The following FAM184B variants were observed in gnomAD, a reference collection of about 807,000 sequenced individuals.
The protein encoded by FAM184B is protein FAM184B.
FAM184B carries 111 observed loss-of-function variants against 135.9 expected under a neutral mutation model. The observed-to-expected ratio is 0.82, with a 90% CI of 0.70 to 0.96. FAM184B has a LOEUF of 0.96. Ranked by LOEUF, FAM184B falls within the 40% of genes least tolerant of loss-of-function variation. The pLI is 0.00. For missense variants in FAM184B, 1,375 were observed against 1,323.9 expected (o/e 1.04, Z -0.60); for synonymous variants, 552 against 524.8 (o/e 1.05, Z -0.71).
rs1198658750 is a variant in FAM184B, at chr4:17,663,739, C to T, written c.1694+823G>A. On this transcript the variant is annotated intron_variant, in intron 8 of 17. Transcript: ENST00000265018. The stretch of plus-strand genomic sequence containing the variant: ...GATATGGTTAGGTTTTTTGCCCCCA[C>T]CCAAATCTCATCTTGAGTTGTAATC... 2.6e-5 allele frequency among the ~76,000 whole-genome samples: 4 copies of T among 151,326 alleles called. No homozygotes were observed. In the East Asian group the frequency reaches 7.8e-4, roughly 29 times the overall value.
rs898853787 is a variant in FAM184B, at chr4:17,630,389, C to G, written c.*2143G>C. On this transcript the variant is annotated 3_prime_UTR_variant, in exon 18 of 18. Transcript: ENST00000265018. ...TTCACCCTCATGAGTAGGATAAGTA[C>G]CCTTACAAAAGAGGCTCAGGGAGGC... The G allele has an allele frequency of 2.6e-5, 4 of 152,072 alleles. No individual in the cohort carries two copies. The highest frequency in any genetic ancestry group is 9.7e-5 in the African/African-American group (4 of 41,402). The allele number at this position is 152,072 out of a possible 1,614,324, so 9.4% of individuals were successfully genotyped here.
chr4:17,685,798 C>T (rs947932301), intron 7 of FAM184B, among the ~76,000 whole-genome samples: 2 of 152,092 alleles, frequency 1.3e-5, no homozygotes, highest in African/African-American at 4.8e-5. Context: ...TAGCTCCACA[C>T]ACCCCGCCAA....
At chr4:17,740,158 C>T (rs1290768647) in intron 1 of FAM184B, among the ~76,000 whole-genome samples, 2 of 151,770 alleles carry the variant, frequency 1.3e-5, no homozygotes, top group African/African-American at 4.8e-5. Context: ...TGGAGACCAG[C>T]CTGGCCAATA....
Position 17,688,430 on chromosome 4 carries a change from C to T in FAM184B, c.1590G>A (p.Glu530=). ...TGACAAAGCTGGAGGTTACCTGGGTCTCCAGAATGCTGCAGTGCTGGCGGC... is the reference window on the plus strand; with the variant it reads ...TGACAAAGCTGGAGGTTACCTGGGTTTCCAGAATGCTGCAGTGCTGGCGGC... ...ELGRQHCSIL[E]TQDPCLKLDE... Residue 530 remains glutamate (E), a synonymous_variant, in exon 7 of 18, where the codon GAG becomes GAA. Transcript: ENST00000265018. The T allele has an allele frequency of 6.5e-7, 1 of 1,548,394 alleles. No individual in the cohort carries two copies. Among genetic ancestry groups the T allele is most frequent in the Non-Finnish European group, 8.7e-7 (1 of 1,145,844 alleles).
intron 1 of FAM184B, among the ~76,000 whole-genome samples, chr4:17,727,849 T>G (rs539490353): frequency 3.9e-5 from 6 of 152,120 alleles, no homozygotes; most frequent in Non-Finnish European, 8.8e-5. Context: ...CAAACTAACC[T>G]GATATTTCCC....
intron 7 of FAM184B, among the ~76,000 whole-genome samples, chr4:17,678,258 A>G (rs1320732131): frequency 1.3e-5 from 2 of 152,202 alleles, no homozygotes; most frequent in African/African-American, 4.8e-5. Flanking sequence ...ATATGATCGT[A>G]TACCTAGAAA....
In FAM184B at chr4:17,763,331, G is replaced by GGA. The variant is rs148457867; in HGVS notation, c.141+17826_141+17827dup. On this transcript the variant is annotated intron_variant, in intron 1 of 17. Transcript: ENST00000265018. ...AATTGACATTAGAATCCACCAAAGG[G>GGA]GAGAGAGATCAGCAAATGAGCTACT... 3.3e-3 allele frequency among the ~76,000 whole-genome samples: 499 copies of GGA among 152,098 alleles called. 3 individuals carry two copies. The highest frequency in any genetic ancestry group is 0.011 in the African/African-American group (468 of 41,466).
chr4:17,643,662 A>G (rs545055919), intron 12 of FAM184B, among the ~76,000 whole-genome samples: 3 of 152,330 alleles, frequency 2.0e-5, no homozygotes, highest in Non-Finnish European at 4.4e-5. Flanking sequence ...CCTGTGATTC[A>G]TCATTTGTTA....
chr4:17,686,422 G>A (rs771961343), intron 7 of FAM184B, among the ~76,000 whole-genome samples: 2 of 152,214 alleles, frequency 1.3e-5, no homozygotes, highest in Non-Finnish European at 2.9e-5. Context: ...GAGGAAGGAG[G>A]AAATCCAGGG....
intron 1 of FAM184B, among the ~76,000 whole-genome samples, chr4:17,769,214 G>A (rs2108996735): frequency 6.6e-6 from 1 of 151,734 alleles, no homozygotes; most frequent in South Asian, 2.1e-4. Context: ...TGTGAAGGGG[G>A]AAAACAAAAC....
At chr4:17,707,068 A>G (rs572663400) in intron 3 of FAM184B, among the ~76,000 whole-genome samples, 26 of 152,118 alleles carry the variant, frequency 1.7e-4, no homozygotes, top group Non-Finnish European at 2.5e-4. Context: ...GATTATAAGC[A>G]TGAGCCACCA....
At chr4:17,724,036 C>T (rs538434081) in intron 1 of FAM184B, among the ~76,000 whole-genome samples, 110 of 151,954 alleles carry the variant, frequency 7.2e-4, no homozygotes, top group African/African-American at 2.6e-3. Flanking sequence ...ACAATGTATC[C>T]ATGTAATCAA....
At chr4:17,711,608 A>G (rs1717273771) in intron 1 of FAM184B, among the ~76,000 whole-genome samples, 1 of 152,168 alleles carries the variant, frequency 6.6e-6, no homozygotes, top group African/African-American at 2.4e-5. Flanking sequence ...GGCTACAGTG[A>G]GCCGTGATCC....
intron 13 of FAM184B, among the ~76,000 whole-genome samples, chr4:17,640,631 A>G (rs1715283774): frequency 6.6e-6 from 1 of 152,210 alleles, no homozygotes; most frequent in African/African-American, 2.4e-5. Context: ...ATTATGAGCA[A>G]TTTTATGATT....
chr4:17,734,392 G>A (rs1295836469), intron 1 of FAM184B, among the ~76,000 whole-genome samples: 2 of 151,990 alleles, frequency 1.3e-5, no homozygotes, highest in African/African-American at 4.8e-5. Context: ...GAGTGAACAG[G>A]CAACCTACAA....
At position 17,709,646 on chromosome 4, in the gene FAM184B, T is replaced by A. The variant is rs750506030; in HGVS notation, c.142-2A>T. 6.7e-7 allele frequency: 1 copy of A among 1,486,816 alleles called. No homozygotes were observed. The highest frequency in any genetic ancestry group is 2.5e-5 in the East Asian group (1 of 40,398). 92.1% of individuals were successfully genotyped at this position (1,486,816 alleles called of 1,614,324 possible). ...GCGGGTGTTCAGGGCATAAATCACC[T>A]GCAGGAAAATCAACAGAGCCCAGTT... On this transcript the variant is annotated splice_acceptor_variant, in intron 1 of 17. Coordinates refer to ENST00000265018, the MANE Select transcript of FAM184B (RefSeq NM_015688.2). LOFTEE classifies it high-confidence loss of function.
rs1431599944 is a variant in FAM184B at position 17,629,891 on chromosome 4, TAAC to T, written c.*2638_*2640del. ...AACTTTCTGAATGGCAGTTTGGTAATAACAAACAAAAAGCTTAAGTTTGTGTCC... is the reference window on the plus strand; with the variant it reads ...AACTTTCTGAATGGCAGTTTGGTAATAAACAAAAAGCTTAAGTTTGTGTCC... On this transcript the variant is annotated 3_prime_UTR_variant, in exon 18 of 18. Coordinates refer to ENST00000265018, the MANE Select transcript of FAM184B (RefSeq NM_015688.2). The T allele has an allele frequency of 6.6e-6, 1 of 152,208 alleles. No homozygotes were observed. Among genetic ancestry groups the T allele is most frequent in the Non-Finnish European group, 1.5e-5 (1 of 68,026 alleles). The allele number at this position is 152,208 out of a possible 1,614,324, so 9.4% of individuals were successfully genotyped here. A position where few individuals can be genotyped will look rare whatever the true frequency, so the allele number is the denominator to read the frequency against.
chr4:17,762,470 T>C (rs1026945436), intron 1 of FAM184B, among the ~76,000 whole-genome samples: 4 of 152,106 alleles, frequency 2.6e-5, no homozygotes, highest in African/African-American at 9.7e-5. Flanking sequence ...TGAGCTGGAT[T>C]CAGATCCGGC....
chr4:17,766,853 G>C (rs887118395), intron 1 of FAM184B, among the ~76,000 whole-genome samples: 2 of 152,226 alleles, frequency 1.3e-5, no homozygotes, highest in Non-Finnish European at 2.9e-5. Flanking sequence ...GCGCCACAGA[G>C]CAGGGGGCAG....
Sources: gnomAD v4.1 joint callset for allele counts (sites outside exome capture counted in the v4.1 genomes callset) on GRCh38, gnomAD v4.1.1 for gene constraint, MANE v1.5 for transcripts, NCBI Gene and HGNC (gene_info 2026-07-23, HGNC 2026-07-21) for gene names.